Variants in PAPPA observed in about 807,000 individuals in gnomAD.
PAPPA encodes pappalysin-1.
PAPPA carries 60 observed loss-of-function variants against 164.0 expected under a neutral mutation model. The observed-to-expected ratio is 0.37, with a 90% confidence interval of 0.30 to 0.45. The LOEUF (loss-of-function observed/expected upper bound fraction) is 0.45, where lower values mean the gene tolerates loss of function less well. PAPPA is among the 20% of genes least tolerant of loss of function. PAPPA has a pLI of 1.00. For synonymous variants in PAPPA, 875 were observed against 814.1 expected, an observed-to-expected ratio of 1.07 and a Z score of -1.27; for missense variants, 1,782 against 2,087.3, an observed-to-expected ratio of 0.85 and a Z score of 2.85.
At chr9:116,326,583 G>A (rs1475304698) in intron 10 of PAPPA, among the ~76,000 whole-genome samples, 1 of 146,142 alleles carries the variant, frequency 6.8e-6, no homozygotes, top group African/African-American at 2.6e-5. Flanking sequence ...TTTTTATTGT[G>A]GGAAGAGCAC....
intron 5 of PAPPA, among the ~76,000 whole-genome samples, chr9:116,220,400 A>G (rs1472467906): frequency 6.6e-6 from 1 of 151,580 alleles, no homozygotes; most frequent in Non-Finnish European, 1.5e-5. Flanking sequence ...CTTTTGCTAC[A>G]GACCTCTTCT....
chr9:116,312,172 C>T (rs568347966), intron 10 of PAPPA, among the ~76,000 whole-genome samples: 2 of 152,300 alleles, frequency 1.3e-5, no homozygotes, highest in African/African-American at 4.8e-5. Context: ...CCTTCATTCT[C>T]CACATCCTCT....
At chr9:116,366,871 C>A (rs1206554132) in intron 18 of PAPPA, among the ~76,000 whole-genome samples, 1 of 151,740 alleles carries the variant, frequency 6.6e-6, no homozygotes, top group African/African-American at 2.4e-5. Flanking sequence ...TCTGTAAGAT[C>A]ATTAAAAATG....
intron 2 of PAPPA, 67 bp from the exon 3 acceptor site, chr9:116,207,389 T>G: frequency 9.2e-7 from 1 of 1,086,872 alleles, no homozygotes; most frequent in Non-Finnish European, 1.2e-6. Flanking sequence ...TAGCTCTAAA[T>G]TATTTGGAGA....
intron 4 of PAPPA, among the ~76,000 whole-genome samples, chr9:116,216,132 A>G (rs991979721): frequency 2.6e-5 from 4 of 152,180 alleles, no homozygotes; most frequent in Admixed American, 2.6e-4. Context: ...TATTACTATC[A>G]TTATTTTTAA....
intron 20 of PAPPA, among the ~76,000 whole-genome samples, chr9:116,380,983 C>T (rs1355746837): frequency 1.3e-5 from 2 of 152,160 alleles, no homozygotes; most frequent in Non-Finnish European, 2.9e-5. Context: ...TGTCTCTTTC[C>T]CATGAATGAG....
At chr9:116,388,413 G>GAGAA (rs1846845202) in intron 21 of PAPPA, among the ~76,000 whole-genome samples, 1 of 152,172 alleles carries the variant, frequency 6.6e-6, no homozygotes, top group Non-Finnish European at 1.5e-5. Context: ...GGGTGTGAGG[G>GAGAA]AGAAAAGGGA....
At chr9:116,181,956 G>A (rs1253716265) in intron 1 of PAPPA, among the ~76,000 whole-genome samples, 11 of 152,218 alleles carry the variant, frequency 7.2e-5, no homozygotes, top group African/African-American at 2.7e-4. Context: ...TGCTTGTGGG[G>A]GTGCTGCAGA....
At chr9:116,343,841 A>T (rs1278820844) in intron 13 of PAPPA, among the ~76,000 whole-genome samples, 2 of 151,170 alleles carry the variant, frequency 1.3e-5, no homozygotes, top group Admixed American at 6.6e-5. Flanking sequence ...GCTCACTGCA[A>T]CCTCCACCTC....
chr9:116,238,272 A>T (rs1473571792), intron 7 of PAPPA, among the ~76,000 whole-genome samples: 1 of 152,210 alleles, frequency 6.6e-6, no homozygotes, highest in African/African-American at 2.4e-5. Context: ...ATCACCTGGG[A>T]ACTGAGAAAG....
intron 2 of PAPPA, among the ~76,000 whole-genome samples, chr9:116,194,979 T>C (rs186448599): frequency 4.0e-4 from 61 of 152,322 alleles, no homozygotes; most frequent in Middle Eastern, 6.8e-3. Flanking sequence ...ATCAAACTCA[T>C]TGAGTTATTG....
At chr9:116,368,689 C>T (rs759432072) in intron 19 of PAPPA, among the ~76,000 whole-genome samples, 5 of 152,294 alleles carry the variant, frequency 3.3e-5, no homozygotes, top group African/African-American at 4.8e-5. Flanking sequence ...CTGGAGAAAC[C>T]GAAAGAAGGA....
intron 9 of PAPPA, among the ~76,000 whole-genome samples, chr9:116,272,597 G>A (rs1735046327): frequency 6.6e-6 from 1 of 152,218 alleles, no homozygotes; most frequent in Non-Finnish European, 1.5e-5. Context: ...TAGGGGTTGA[G>A]CAACACAATA....
intron 10 of PAPPA, among the ~76,000 whole-genome samples, chr9:116,311,432 G>T (rs1845716680): frequency 6.6e-6 from 1 of 152,186 alleles, no homozygotes; most frequent in Admixed American, 6.5e-5. Flanking sequence ...AACCTTAGAG[G>T]TTAACCTTTG....
intron 9 of PAPPA, among the ~76,000 whole-genome samples, chr9:116,273,217 G>A (rs1845157558): frequency 1.3e-5 from 2 of 152,152 alleles, no homozygotes; most frequent in South Asian, 4.1e-4. Flanking sequence ...CTGCTGTGTT[G>A]ATTTAGAGCT....
chr9:116,289,396 CTAT>C (rs1398825084), intron 9 of PAPPA, among the ~76,000 whole-genome samples: 7 of 71,614 alleles, frequency 9.8e-5, no homozygotes, highest in African/African-American at 2.0e-4. Context: ...GTATATATAG[CTAT>C]ATATATATAG....
intron 10 of PAPPA, among the ~76,000 whole-genome samples, chr9:116,319,531 AG>A (rs991381877): frequency 7.9e-5 from 12 of 152,308 alleles, no homozygotes; most frequent in African/African-American, 2.4e-4. Flanking sequence ...CATTTGAAAA[AG>A]GGGGTGGGGT....
rs185800498 is a variant in PAPPA at position 116,339,836 on chromosome 9, C to T, written c.3612-4707C>T. Among the ~76,000 whole-genome samples, 114 of 152,274 alleles carry T rather than the reference C, an allele frequency of 7.5e-4. No homozygotes were observed. The East Asian group carries it at 0.021, about 28-fold the overall frequency. ...GGTTCCAGCACTCTCCAGCTATCCT[C>T]TGTTATGTGTGACTGGAATCCATTC... is the stretch of plus-strand genomic sequence containing the variant. On this transcript the variant is annotated intron_variant, in intron 13 of 21. Coordinates refer to ENST00000328252, the MANE Select transcript of PAPPA (RefSeq NM_002581.5).
chr9:116,337,320 G>A (rs1846073962), intron 13 of PAPPA, among the ~76,000 whole-genome samples: 1 of 152,118 alleles, frequency 6.6e-6, no homozygotes, highest in African/African-American at 2.4e-5. Flanking sequence ...GTGCCCCAGT[G>A]GGGAAAGGAC....
Sources: gnomAD v4.1 joint callset for allele counts (sites outside exome capture counted in the v4.1 genomes callset) on GRCh38, gnomAD v4.1.1 for gene constraint, MANE v1.5 for transcripts, NCBI Gene and HGNC (gene_info 2026-07-23, HGNC 2026-07-21) for gene names.